The following PRSS3 variants were observed in gnomAD, a reference collection of about 807,000 sequenced individuals.
PRSS3 encodes the protein serine protease 3.
Under a neutral mutation model 20.8 loss-of-function variants are expected in PRSS3, and 14 were observed. The observed-to-expected ratio is 0.67, with a 90% confidence interval of 0.44 to 1.05. PRSS3 has a LOEUF of 1.05. Ranked by LOEUF, PRSS3 falls within the 50% of genes least tolerant of loss-of-function variation. The pLI is 0.00. For missense variants in PRSS3, 237 were observed against 306.4 expected (o/e 0.77, Z 1.69); for synonymous variants, 91 against 117.6 (o/e 0.77, Z 1.46).
chr9:33,761,205 C>T (rs1312287364), intron 1 of PRSS3, among the ~76,000 whole-genome samples: 2 of 152,174 alleles, frequency 1.3e-5, no homozygotes, highest in African/African-American at 4.8e-5. Flanking sequence ...ATGGCATAGC[C>T]TACTACACAT....
At chr9:33,775,195 A>G (rs1456433164) in intron 1 of PRSS3, among the ~76,000 whole-genome samples, 1 of 152,130 alleles carries the variant, frequency 6.6e-6, no homozygotes, top group African/African-American at 2.4e-5. Flanking sequence ...TTCTTGAAAA[A>G]CTACTAGATC....
chr9:33,755,960 T>G (rs1822925091), intron 1 of PRSS3, among the ~76,000 whole-genome samples: 1 of 152,128 alleles, frequency 6.6e-6, no homozygotes, highest in African/African-American at 2.4e-5. Context: ...ACATACGCAC[T>G]TTTTTTTCTG....
At chr9:33,787,310 G>T (rs1824451642) in intron 1 of PRSS3, among the ~76,000 whole-genome samples, 1 of 152,120 alleles carries the variant, frequency 6.6e-6, no homozygotes, top group African/African-American at 2.4e-5. Context: ...GAATTATAAA[G>T]CCCTCTAGAT....
intron 1 of PRSS3, among the ~76,000 whole-genome samples, chr9:33,765,803 T>C (rs1381281997): frequency 6.6e-6 from 1 of 152,218 alleles, no homozygotes; most frequent in African/African-American, 2.4e-5. Flanking sequence ...AGCAAATCCA[T>C]GGATAAGGGG....
At chr9:33,764,463 G>T in intron 1 of PRSS3, among the ~76,000 whole-genome samples, 1 of 152,164 alleles carries the variant, frequency 6.6e-6, no homozygotes, top group East Asian at 1.9e-4. Flanking sequence ...AATGTAGGAG[G>T]CGAAGGTTGC....
intron 1 of PRSS3, among the ~76,000 whole-genome samples, chr9:33,782,973 G>T (rs1056894965): frequency 6.6e-6 from 1 of 152,138 alleles, no homozygotes; most frequent in East Asian, 1.9e-4. Context: ...CATCTTGAAC[G>T]TCCATCTACA....
chr9:33,784,126 A>C (rs1026767860), intron 1 of PRSS3, among the ~76,000 whole-genome samples: 2 of 152,206 alleles, frequency 1.3e-5, no homozygotes, highest in Non-Finnish European at 2.9e-5. Flanking sequence ...TGAGAGAAAA[A>C]TCTAGAGACT....
chr9:33,751,862 C>G (rs557229570), intron 1 of PRSS3, among the ~76,000 whole-genome samples: 1 of 152,304 alleles, frequency 6.6e-6, no homozygotes, highest in South Asian at 2.1e-4. Context: ...TGGCGTCAGA[C>G]TTAGCTCTTC....
chr9:33,768,443 G>A (rs998705326), intron 1 of PRSS3, among the ~76,000 whole-genome samples: 2 of 151,426 alleles, frequency 1.3e-5, no homozygotes, highest in African/African-American at 2.4e-5. Context: ...TAGCACCACC[G>A]CAGCACTCCA....
intron 1 of PRSS3, among the ~76,000 whole-genome samples, chr9:33,757,509 C>A (rs1460709201): frequency 1.3e-5 from 2 of 149,214 alleles, no homozygotes; most frequent in African/African-American, 2.5e-5. Context: ...AGGTTTAGAT[C>A]ACGTGAAGGG....
intron 1 of PRSS3, among the ~76,000 whole-genome samples, chr9:33,778,113 C>A (rs957785182): frequency 2.0e-5 from 3 of 152,004 alleles, no homozygotes; most frequent in Admixed American, 6.6e-5. Flanking sequence ...ATTATACCTA[C>A]AGATAGAAAA....
chr9:33,785,075 C>T (rs7040130), intron 1 of PRSS3, among the ~76,000 whole-genome samples: 17,792 of 149,330 alleles, frequency 0.12, 1,339 homozygotes, highest in African/African-American at 0.22. Flanking sequence ...TAGCTCTACT[C>T]TTATGCAAAA....
At chr9:33,779,695 C>T (rs1314760013) in intron 1 of PRSS3, among the ~76,000 whole-genome samples, 5 of 151,522 alleles carry the variant, frequency 3.3e-5, no homozygotes, top group Admixed American at 6.6e-5. Flanking sequence ...GGTGAAACCC[C>T]GTCTCTACTA....
At chr9:33,796,576 C>G in intron 1 of PRSS3, 67 bp from the exon 2 acceptor site, 2 of 1,597,570 alleles carry the variant, frequency 1.3e-6, no homozygotes, top group Non-Finnish European at 1.7e-6. Context: ...AGGAAGCAAC[C>G]GCAGGCTGGG....
intron 1 of PRSS3, among the ~76,000 whole-genome samples, chr9:33,760,677 T>A (rs1006775445): frequency 2.2e-5 from 3 of 138,602 alleles, no homozygotes; most frequent in South Asian, 4.4e-4. Context: ...ACCCAGAAGG[T>A]GGAGGTTGCA....
chr9:33,786,333 T>G, intron 1 of PRSS3: 1 of 586,078 alleles, frequency 1.7e-6, no homozygotes, highest in Non-Finnish European at 3.0e-6. Flanking sequence ...CTCCGGAGAG[T>G]CTGAAGCCAC....
intron 1 of PRSS3, among the ~76,000 whole-genome samples, chr9:33,766,521 A>T (rs1233178709): frequency 6.6e-6 from 1 of 152,072 alleles, no homozygotes; most frequent in Non-Finnish European, 1.5e-5. Flanking sequence ...TGCAGTGAGC[A>T]GAGATCGCAC....
At chr9:33,793,417 C>A (rs890800020), upstream of PRSS3, among the ~76,000 whole-genome samples, 3 of 152,238 alleles carry the variant, frequency 2.0e-5, no homozygotes, top group African/African-American at 2.4e-5. Flanking sequence ...ATTATCAATG[C>A]TCCAAAACCT....
At chr9:33,777,458 G>A (rs1253600408) in intron 1 of PRSS3, among the ~76,000 whole-genome samples, 1 of 150,074 alleles carries the variant, frequency 6.7e-6, no homozygotes, top group Non-Finnish European at 1.5e-5. Flanking sequence ...AGGCGGAAGC[G>A]GGCGGATCAT....
Sources: gnomAD v4.1 joint callset for allele counts (sites outside exome capture counted in the v4.1 genomes callset) on GRCh38, gnomAD v4.1.1 for gene constraint, MANE v1.5 for transcripts, NCBI Gene and HGNC (gene_info 2026-07-23, HGNC 2026-07-21) for gene names.